The following CNTNAP4 variants were observed in gnomAD, a reference collection of about 807,000 sequenced individuals.
CNTNAP4 encodes contactin associated protein family member 4, also known as contactin-associated protein-like 4.
A neutral mutation model predicts 148.4 loss-of-function variants in CNTNAP4; 98 were observed. The observed-to-expected ratio is 0.66, with a 90% CI of 0.56 to 0.78. The LOEUF (loss-of-function observed/expected upper bound fraction) is 0.78, where lower values mean the gene tolerates loss of function less well. Ranked by LOEUF, CNTNAP4 falls within the 30% of genes least tolerant of loss-of-function variation. The pLI, the probability that CNTNAP4 is intolerant of heterozygous loss-of-function variation, is 0.00. For missense variants in CNTNAP4, 1,935 were observed against 1,565.6 expected (o/e 1.24, Z -3.98); for synonymous variants, 730 against 565.1 (o/e 1.29, Z -4.14).
chr16:76,433,617 C>T (rs1165514426), intron 4 of CNTNAP4, among the ~76,000 whole-genome samples: 1 of 152,048 alleles, frequency 6.6e-6, no homozygotes, highest in African/African-American at 2.4e-5. Context: ...GAAAACAAAA[C>T]ATTGAAAGAC....
At chr16:76,484,157 C>T (rs1349340450) in intron 12 of CNTNAP4, among the ~76,000 whole-genome samples, 6 of 146,242 alleles carry the variant, frequency 4.1e-5, no homozygotes, top group African/African-American at 1.5e-4. Context: ...TTCTAAGAGA[C>T]CTGAAGAGTG....
intron 4 of CNTNAP4, among the ~76,000 whole-genome samples, chr16:76,439,581 A>G (rs2079960263): frequency 6.6e-6 from 1 of 152,152 alleles, no homozygotes. Flanking sequence ...GACATAGTGG[A>G]TATTACTAAT....
intron 1 of CNTNAP4, among the ~76,000 whole-genome samples, chr16:76,286,865 A>G (rs1958908768): frequency 6.6e-6 from 1 of 152,226 alleles, no homozygotes; most frequent in Non-Finnish European, 1.5e-5. Context: ...TTAGATGTTT[A>G]GGACTTAATT....
intron 3 of CNTNAP4, among the ~76,000 whole-genome samples, chr16:76,373,897 CAAAA>C (rs71382634): frequency 3.6e-5 from 4 of 112,078 alleles, no homozygotes; most frequent in South Asian, 2.9e-4. Context: ...CTCCATCTCA[CAAAA>C]AAAAAAAAAA....
At chr16:76,302,792 A>G (rs1010318577) in intron 1 of CNTNAP4, among the ~76,000 whole-genome samples, 1 of 151,282 alleles carries the variant, frequency 6.6e-6, no homozygotes, top group Non-Finnish European at 1.5e-5. Context: ...CTTGAAGACC[A>G]TCTTAGAATT....
At chr16:76,394,759 A>G (rs2144789532) in intron 3 of CNTNAP4, among the ~76,000 whole-genome samples, 1 of 152,318 alleles carries the variant, frequency 6.6e-6, no homozygotes, top group Middle Eastern at 3.4e-3. Context: ...GCCCTAGGCA[A>G]TGTCAGTAAA....
intron 2 of CNTNAP4, among the ~76,000 whole-genome samples, chr16:76,338,296 T>C (rs1964186519): frequency 6.6e-6 from 1 of 152,224 alleles, no homozygotes; most frequent in East Asian, 1.9e-4. Flanking sequence ...GGTCCCTCCA[T>C]TCGGGGTCCC....
chr16:76,346,940 A>G (rs1164430992), intron 2 of CNTNAP4, among the ~76,000 whole-genome samples: 3 of 152,216 alleles, frequency 2.0e-5, no homozygotes, highest in Non-Finnish European at 4.4e-5. Context: ...GTTTGCCATG[A>G]GGGAATATTG....
chr16:76,383,262 C>A (rs1211240365), intron 3 of CNTNAP4, among the ~76,000 whole-genome samples: 1 of 151,626 alleles, frequency 6.6e-6, no homozygotes, highest in African/African-American at 2.4e-5. Flanking sequence ...AAATAATGTA[C>A]CTAGAGAACA....
chr16:76,305,819 C>A (rs1166717867), intron 1 of CNTNAP4, among the ~76,000 whole-genome samples: 2 of 152,132 alleles, frequency 1.3e-5, no homozygotes, highest in Non-Finnish European at 2.9e-5. Context: ...CCTTTCTCCC[C>A]ACTCAAGTAG....
intron 4 of CNTNAP4, among the ~76,000 whole-genome samples, chr16:76,435,182 C>G (rs2079773464): frequency 6.6e-6 from 1 of 152,148 alleles, no homozygotes; most frequent in Admixed American, 6.6e-5. Flanking sequence ...TGGCTCAAGT[C>G]TGGAAGTTGA....
At chr16:76,414,555 C>A (rs1023456218) in intron 3 of CNTNAP4, among the ~76,000 whole-genome samples, 2 of 151,190 alleles carry the variant, frequency 1.3e-5, no homozygotes, top group Non-Finnish European at 3.0e-5. Context: ...AGCTGGGAAG[C>A]ATTCTCTGTT....
In CNTNAP4 at chr16:76,506,476, CTTTTTTTTTTTTT is replaced by C. The variant is rs1237064108; in HGVS notation, c.2365+7794_2365+7806del. Reference sequence around the variant, plus strand: ...CTCCCCTTCCGCTTCTCTTCCGTTCCTTTTTTTTTTTTTTTTTTTTTTTTGACAGAATTGCCCT... The same window carrying C: ...CTCCCCTTCCGCTTCTCTTCCGTTCCTTTTTTTTTTTGACAGAATTGCCCT... On this transcript the variant is annotated intron_variant, in intron 15 of 23. Coordinates refer to ENST00000611870, the MANE Select transcript of CNTNAP4 (RefSeq NM_033401.5). Among the ~76,000 whole-genome samples, 2 of 43,130 alleles carry C rather than the reference CTTTTTTTTTTTTT, an allele frequency of 4.6e-5. 1 individual carries two copies. The highest frequency in any genetic ancestry group is 1.9e-4 in the Non-Finnish European group (2 of 10,602). The allele number at this position is 43,130 out of a possible 152,430, so 28.3% of individuals were successfully genotyped here.
At chr16:76,449,421 A>G (rs1037426033) in intron 6 of CNTNAP4, among the ~76,000 whole-genome samples, 1 of 152,180 alleles carries the variant, frequency 6.6e-6, no homozygotes, top group African/African-American at 2.4e-5. Context: ...AAATATTATA[A>G]TTGGTTATAG....
In CNTNAP4 at chr16:76,548,295, C is replaced by CATT. The variant is rs759580311; in HGVS notation, c.3443-4988_3443-4987insATT. Among the ~76,000 whole-genome samples the CATT allele has an allele frequency of 5.5e-3, 513 of 92,936 alleles. 54 individuals are homozygous for CATT. The highest frequency in any genetic ancestry group is 0.035 in the Middle Eastern group (4 of 114). 61.0% of individuals were successfully genotyped at this position (92,936 alleles called of 152,430 possible). A position where few individuals can be genotyped will look rare whatever the true frequency, so the allele number is the denominator to read the frequency against. On this transcript the variant is annotated intron_variant, in intron 21 of 23. Transcript: ENST00000611870. The stretch of plus-strand genomic sequence containing the variant: ...CCCTGGCTCTCTTGATTCACTGCAC[C>CATT]TTTTTTTTTTTTTTTTTTTTTTTTG...
At chr16:76,355,884 ATTTATTTT>A (rs1390316682) in intron 3 of CNTNAP4, among the ~76,000 whole-genome samples, 199 of 129,466 alleles carry the variant, frequency 1.5e-3, no homozygotes, top group African/African-American at 5.5e-3. Flanking sequence ...TTATTTATTT[ATTTATTTT>A]TGAAACAGAG....
intron 2 of CNTNAP4, among the ~76,000 whole-genome samples, chr16:76,332,987 G>T (rs1311614070): frequency 6.6e-6 from 1 of 152,206 alleles, no homozygotes; most frequent in African/African-American, 2.4e-5. Context: ...CATTCCCAGA[G>T]TTTTGGGAAT....
At chr16:76,423,189 C>T (rs1272223963) in intron 3 of CNTNAP4, among the ~76,000 whole-genome samples, 1 of 152,118 alleles carries the variant, frequency 6.6e-6, no homozygotes, top group East Asian at 1.9e-4. Context: ...ATAAGATACT[C>T]AGTTTATGAC....
chr16:76,352,752 G>A (rs759790434), intron 2 of CNTNAP4, among the ~76,000 whole-genome samples: 12 of 152,190 alleles, frequency 7.9e-5, no homozygotes, highest in Non-Finnish European at 1.6e-4. Flanking sequence ...GATGGAGGAA[G>A]CATTGATTCA....
Sources: allele counts gnomAD v4.1 joint callset (sites outside exome capture counted in the v4.1 genomes callset), GRCh38; gene constraint gnomAD v4.1.1; transcripts MANE v1.5; gene names NCBI Gene and HGNC (gene_info 2026-07-23, HGNC 2026-07-21).